BPIFB6: variants seen among roughly 807,000 people sequenced by gnomAD.
The protein encoded by BPIFB6 is BPI fold containing family B member 6.
Under a neutral mutation model 54.7 loss-of-function variants are expected in BPIFB6, and 47 were observed. The ratio of observed to expected loss-of-function variants is 0.86; its 90% CI spans 0.68 to 1.10. The LOEUF (loss-of-function observed/expected upper bound fraction) is 1.10, where lower values mean the gene tolerates loss of function less well. Among genes scored for constraint, BPIFB6 ranks in the 50% least tolerant of loss-of-function variants. BPIFB6 has a pLI of 0.00. For synonymous variants in BPIFB6, 255 were observed against 225.9 expected (o/e 1.13, Z -1.16); for missense variants, 603 against 564.1 (o/e 1.07, Z -0.70).
At chr20:33,031,883 C>CTCCCACT (rs1226554076) in intron 1 of BPIFB6, 139 bp downstream of exon 1, 4 of 693,168 alleles carry the variant, frequency 5.8e-6, no homozygotes, top group Non-Finnish European at 1.0e-5. Flanking sequence ...TATTATTATT[C>CTCCCACT]TCCCACTTTA....
Position 33,039,497 on chromosome 20 carries a change from A to T in BPIFB6, c.1051A>T (p.Met351Leu). Residue 351 changes from methionine to leucine, a missense_variant, in exon 10 of 15, where the codon ATG becomes TTG. Transcript: ENST00000349552. ...FAARWRSKAP[M>L]SLFLLEVHFN... ...AGCTCGGTGGCGGAGCAAGGCTCCA[A>T]TGTCCCTCTTTCTCCTAGAAGTGGT... The T allele has an allele frequency of 1.2e-6, 2 of 1,611,862 alleles. No homozygotes were observed. Among genetic ancestry groups the T allele is most frequent in the Non-Finnish European group, 1.7e-6 (2 of 1,179,324 alleles).
At chr20:33,035,811 C>T (rs1600524235) in intron 6 of BPIFB6, 139 bp downstream of exon 6, 1 of 890,528 alleles carries the variant, frequency 1.1e-6, no homozygotes, top group East Asian at 2.5e-5. Flanking sequence ...TGATGTTCAT[C>T]CCCCCACTGT....
intron 7 of BPIFB6, among the ~76,000 whole-genome samples, chr20:33,037,232 CCTGT>C (rs1979382312): frequency 6.6e-6 from 1 of 152,182 alleles, no homozygotes; most frequent in South Asian, 2.1e-4. Context: ...TCGATTTCCG[CCTGT>C]CTCTTTCTCT....
rs1290090590 is a variant in BPIFB6 at position 33,035,622 on chromosome 20, C to T, written c.527C>T (p.Ala176Val). The T allele has an allele frequency of 1.2e-6, 2 of 1,614,178 alleles. No homozygotes were observed. The highest frequency in any genetic ancestry group is 4.5e-5 in the East Asian group (2 of 44,880). The change falls in exon 6 of 15, where the codon GCC (alanine) becomes GTC (valine). Residue 176 changes from alanine (A) to valine (V), a missense_variant. Physicochemically the swap from Ala to Val is moderately conservative, Grantham distance 64. Coordinates refer to ENST00000349552, the MANE Select transcript of BPIFB6 (RefSeq NM_174897.2). ...HKVLPGLMCP[A>V]IDAVLVYVNR... ...CTTCTCTGCTTCCAGATGTGTCCCG[C>T]CATCGATGCAGTCCTGGTGTATGTG...
At chr20:33,041,550 C>G (rs974221986) in intron 11 of BPIFB6, among the ~76,000 whole-genome samples, 3 of 152,098 alleles carry the variant, frequency 2.0e-5, no homozygotes, top group Admixed American at 1.3e-4. Context: ...CATCACATGG[C>G]CTGTTCTGGT....
Position 33,042,864 on chromosome 20 carries a change from T to G in BPIFB6, c.1238T>G (p.Ile413Ser). The change falls in exon 13 of 15, where the codon ATC becomes AGC. Residue 413 changes from isoleucine (I) to serine (S), a missense_variant. Transcript: ENST00000349552. Reference sequence around the variant, plus strand: ...ACCAGCTATCTCGAAGAAGCCTACATCCCAGTTGTCAATGGTGAGGGTTCC... The same window carrying G: ...ACCAGCTATCTCGAAGAAGCCTACAGCCCAGTTGTCAATGGTGAGGGTTCC... ...FITSYLEEAY[I>S]PVVNDVLQVG... 1 of 1,614,158 alleles carries G rather than the reference T, an allele frequency of 6.2e-7. No individual in the cohort carries two copies. The highest frequency in any genetic ancestry group is 1.1e-5 in the South Asian group (1 of 91,082).
intron 12 of BPIFB6, 131 bp from the exon 13 acceptor site, chr20:33,042,684 A>G: frequency 1.2e-6 from 1 of 834,054 alleles, no homozygotes. Flanking sequence ...TTTTGATGCC[A>G]GCTGGACAAA....
chr20:33,033,757 G>C, intron 2 of BPIFB6: 1 of 430,884 alleles, frequency 2.3e-6, no homozygotes, highest in Admixed American at 2.4e-5. Flanking sequence ...AATGCTACTG[G>C]CATCTACTGG....
chr20:33,031,873 T>A (rs942486003), intron 1 of BPIFB6, 129 bp downstream of exon 1: 3 of 722,988 alleles, frequency 4.1e-6, no homozygotes, highest in Non-Finnish European at 7.2e-6. Flanking sequence ...AAGCAAGTGT[T>A]ATTATTATTC....
At chr20:33,032,729 A>G (rs2070314) in intron 1 of BPIFB6, among the ~76,000 whole-genome samples, 54,083 of 151,924 alleles carry the variant, frequency 0.36, 10,433 homozygotes, top group East Asian at 0.74. Context: ...TCAAGTACCA[A>G]CTGATCTGTC....
At chr20:33,032,500 A>C (rs1600522187) in intron 1 of BPIFB6, among the ~76,000 whole-genome samples, 2 of 151,966 alleles carry the variant, frequency 1.3e-5, no homozygotes, top group Non-Finnish European at 2.9e-5. Context: ...CCACAGGATA[A>C]AGTCAGTACC....
At chr20:33,034,713 C>T (rs781681923) in intron 3 of BPIFB6, 50 bp from the exon 4 acceptor site, 29 of 1,544,446 alleles carry the variant, frequency 1.9e-5, no homozygotes, top group South Asian at 2.5e-5. Context: ...GCAGGGAGAG[C>T]GGACACCATG....
At chr20:33,034,558 G>C (rs571947083) in intron 3 of BPIFB6, among the ~76,000 whole-genome samples, 12 of 152,312 alleles carry the variant, frequency 7.9e-5, no homozygotes, top group African/African-American at 2.4e-4. Context: ...ATTTTAAAGG[G>C]TGTGTAGGGG....
chr20:33,035,167 C>T (rs766036783), intron 5 of BPIFB6, 23 bp downstream of exon 5: 5 of 1,611,776 alleles, frequency 3.1e-6, no homozygotes, highest in South Asian at 2.2e-5. Context: ...GAGAAAGCCT[C>T]CACCCCTCGT....
At chr20:33,042,685 G>A in intron 12 of BPIFB6, 130 bp from the exon 13 acceptor site, 1 of 844,904 alleles carries the variant, frequency 1.2e-6, no homozygotes, top group Non-Finnish European at 1.9e-6. Flanking sequence ...TTTGATGCCA[G>A]CTGGACAAAC....
Position 33,039,503 on chromosome 20 carries a change from C to A in BPIFB6, c.1057C>A (p.Leu353Ile). 6.2e-7 allele frequency: 1 copy of A among 1,610,636 alleles called. No individual in the cohort carries two copies. Among genetic ancestry groups the A allele is most frequent in the South Asian group, 1.1e-5 (1 of 90,210 alleles). ...ARWRSKAPMS[L>I]FLLEVHFNLK... Reference sequence around the variant, plus strand: ...GTGGCGGAGCAAGGCTCCAATGTCCCTCTTTCTCCTAGAAGTGGTGAGGGA... The same window carrying A: ...GTGGCGGAGCAAGGCTCCAATGTCCATCTTTCTCCTAGAAGTGGTGAGGGA... The change falls in exon 10 of 15, where the codon CTC becomes ATC. Residue 353 changes from leucine to isoleucine, a missense_variant. By Grantham distance (5) the Leu-to-Ile change is conservative. Transcript: ENST00000349552.
intron 1 of BPIFB6, 131 bp downstream of exon 1, chr20:33,031,875 T>C (rs1227150021): frequency 1.4e-6 from 1 of 714,312 alleles, no homozygotes; most frequent in Admixed American, 2.2e-5. Flanking sequence ...GCAAGTGTTA[T>C]TATTATTCTC....
chr20:33,040,385 C>A (rs926866810), intron 11 of BPIFB6, 67 bp downstream of exon 11: 3 of 1,449,254 alleles, frequency 2.1e-6, no homozygotes, highest in Non-Finnish European at 2.9e-6. Flanking sequence ...ATCTAGCACA[C>A]CCCACACTAC....
chr20:33,035,810 T>TC (rs1027310340), intron 6 of BPIFB6, 138 bp downstream of exon 6: 54 of 897,496 alleles, frequency 6.0e-5, no homozygotes, highest in Admixed American at 9.7e-5. Context: ...ATGATGTTCA[T>TC]CCCCCCACTG....
Sources: allele counts gnomAD v4.1 joint callset (sites outside exome capture counted in the v4.1 genomes callset), GRCh38; gene constraint gnomAD v4.1.1; transcripts MANE v1.5; gene names NCBI Gene and HGNC (gene_info 2026-07-23, HGNC 2026-07-21).